The following GPHN variants were observed in gnomAD, a reference collection of about 807,000 sequenced individuals.
GPHN encodes the protein gephyrin.
In GPHN, 17 loss-of-function variants were observed where a neutral mutation model predicts 95.5. That is an observed-to-expected ratio of 0.18 (90% CI 0.12 to 0.27). The LOEUF is 0.27. Among genes scored for constraint, GPHN ranks in the 10% least tolerant of loss-of-function variants. GPHN has a pLI of 1.00. For synonymous variants in GPHN, 320 were observed against 322.5 expected (o/e 0.99, Z 0.08); for missense variants, 660 against 978.1 (o/e 0.67, Z 4.34).
intron 4 of GPHN, among the ~76,000 whole-genome samples, chr14:66,874,170 G>A (rs1415512995): frequency 6.6e-6 from 1 of 152,208 alleles, no homozygotes; most frequent in Non-Finnish European, 1.5e-5. Context: ...AGGCCTGACT[G>A]TTAGAAGGAA....
At chr14:67,601,354 G>T in the GPHN span, among the ~76,000 whole-genome samples, 17 of 152,180 alleles carry the variant, frequency 1.1e-4, no homozygotes, top group Non-Finnish European at 2.4e-4. Flanking sequence ...GGAAGCTGGG[G>T]AGGCAGGTAG....
chr14:66,543,636 T>G (rs2059430041), intron 1 of GPHN, among the ~76,000 whole-genome samples: 1 of 152,252 alleles, frequency 6.6e-6, no homozygotes, highest in Non-Finnish European at 1.5e-5. Context: ...TAACACTTGC[T>G]CTTCCTAGAG....
intron 1 of GPHN, among the ~76,000 whole-genome samples, chr14:66,570,432 G>A (rs1023886664): frequency 6.6e-6 from 1 of 151,746 alleles, no homozygotes; most frequent in Non-Finnish European, 1.5e-5. Context: ...AGCCTCCCAG[G>A]TAGCTGGGAT....
intron 1 of GPHN, among the ~76,000 whole-genome samples, chr14:66,621,489 A>G (rs2063301088): frequency 1.3e-5 from 2 of 150,226 alleles, no homozygotes; most frequent in South Asian, 4.2e-4. Flanking sequence ...CAATGGCACG[A>G]TCTCAGCTCA....
At chr14:67,286,871 A>AG in the GPHN span, among the ~76,000 whole-genome samples, 10 of 151,172 alleles carry the variant, frequency 6.6e-5, no homozygotes, top group African/African-American at 2.2e-4. Context: ...AAAAAAAAAA[A>AG]AAAGAAAAAA....
intron 4 of GPHN, among the ~76,000 whole-genome samples, chr14:66,876,799 T>G (rs1292677897): frequency 6.6e-6 from 1 of 152,130 alleles, no homozygotes; most frequent in Non-Finnish European, 1.5e-5. Flanking sequence ...GATTCACAGC[T>G]GAATTCTACC....
intron 8 of GPHN, among the ~76,000 whole-genome samples, chr14:66,948,873 C>T (rs2067915709): frequency 6.6e-6 from 1 of 152,184 alleles, no homozygotes; most frequent in African/African-American, 2.4e-5. Flanking sequence ...AGCACAGTCA[C>T]TGTATCCTCC....
the GPHN span, among the ~76,000 whole-genome samples, chr14:67,469,697 C>T: frequency 6.6e-6 from 1 of 152,032 alleles, no homozygotes; most frequent in African/African-American, 2.4e-5. Flanking sequence ...CTCAATGGAG[C>T]AGAGGTACAT....
the GPHN span, among the ~76,000 whole-genome samples, chr14:67,437,880 G>C: frequency 5.3e-5 from 8 of 152,118 alleles, no homozygotes; most frequent in African/African-American, 1.9e-4. Flanking sequence ...CTTTAGGCTT[G>C]TCCTGATTCC....
chr14:66,945,715 A>T (rs2067707053), intron 8 of GPHN, among the ~76,000 whole-genome samples: 1 of 152,252 alleles, frequency 6.6e-6, no homozygotes, highest in East Asian at 1.9e-4. Flanking sequence ...CAAATCTTGA[A>T]TACCACAGTT....
chr14:67,341,688 C>A, the GPHN span, among the ~76,000 whole-genome samples: 1 of 152,240 alleles, frequency 6.6e-6, no homozygotes, highest in Non-Finnish European at 1.5e-5. Context: ...GAGGTGTACC[C>A]AACAGCTCAC....
At chr14:67,438,580 G>T in the GPHN span, among the ~76,000 whole-genome samples, 3 of 152,172 alleles carry the variant, frequency 2.0e-5, no homozygotes, top group African/African-American at 7.2e-5. Context: ...CAAGATTATG[G>T]CTGGGTGCGG....
chr14:67,655,028 CAAAAAAA>C, the GPHN span, among the ~76,000 whole-genome samples: 1 of 43,502 alleles, frequency 2.3e-5, no homozygotes, highest in Non-Finnish European at 3.8e-5. Flanking sequence ...GACTCCATCT[CAAAAAAA>C]AAAAAAAAAA....
intron 8 of GPHN, among the ~76,000 whole-genome samples, chr14:66,960,787 G>A (rs1224211880): frequency 6.6e-6 from 1 of 152,030 alleles, no homozygotes; most frequent in East Asian, 1.9e-4. Context: ...TTTTCTGAGG[G>A]TGTGCCCAGC....
Position 66,871,359 on chromosome 14 carries a change from C to T in GPHN, c.295-8580C>T, listed in dbSNP as rs573849143. 7.2e-5 allele frequency among the ~76,000 whole-genome samples: 11 copies of T among 152,180 alleles called. 2 individuals carry two copies. The highest frequency in any genetic ancestry group is 2.2e-4 in the African/African-American group (9 of 41,540). On this transcript the variant is annotated intron_variant, in intron 4 of 22. Coordinates refer to ENST00000478722, the MANE Select transcript of GPHN (RefSeq NM_020806.5). ...GATATATCATCTTTATGTGAAGCCC[C>T]GAATTCATGAAATGTCAACCATTGC...
At chr14:67,687,784 A>AT in the GPHN span, among the ~76,000 whole-genome samples, 1 of 96,254 alleles carries the variant, frequency 1.0e-5, no homozygotes, top group Non-Finnish European at 2.1e-5. Context: ...TTTTTTTTTC[A>AT]TTTTTTCAGA....
the GPHN span, among the ~76,000 whole-genome samples, chr14:67,512,814 A>T: frequency 3.3e-5 from 5 of 152,184 alleles, no homozygotes; most frequent in Non-Finnish European, 7.3e-5. Context: ...GCTCCAAGCC[A>T]TCCTGGGAGG....
intron 3 of GPHN, among the ~76,000 whole-genome samples, 177 bp from the exon 4 acceptor site, chr14:66,824,297 T>C (rs536289909): frequency 6.6e-6 from 1 of 152,222 alleles, no homozygotes; most frequent in Non-Finnish European, 1.5e-5. Flanking sequence ...TACTCAAAAT[T>C]TCAGTGCCTT....
At chr14:66,629,149 A>G (rs8016887) in intron 1 of GPHN, among the ~76,000 whole-genome samples, 2,925 of 84,900 alleles carry the variant, frequency 0.034, 431 homozygotes, top group African/African-American at 0.24. Context: ...ATTTATATAC[A>G]TATATAAATA....
Sources: gnomAD v4.1 joint callset for allele counts (sites outside exome capture counted in the v4.1 genomes callset) on GRCh38, gnomAD v4.1.1 for gene constraint, MANE v1.5 for transcripts, NCBI Gene and HGNC (gene_info 2026-07-23, HGNC 2026-07-21) for gene names.